RAD51B: variants seen among roughly 807,000 people sequenced by gnomAD.
RAD51B encodes DNA repair protein RAD51 homolog 2.
Under a neutral mutation model 42.2 loss-of-function variants are expected in RAD51B, and 38 were observed. The ratio of observed to expected loss-of-function variants is 0.90; its 90% CI spans 0.70 to 1.18. RAD51B has a LOEUF of 1.18. Among genes scored for constraint, RAD51B ranks in the 50% most tolerant of loss-of-function variants. RAD51B has a pLI of 0.00. For synonymous variants in RAD51B, 154 were observed against 145.2 expected, an observed-to-expected ratio of 1.06 and a Z score of -0.43; for missense variants, 373 against 400.7, an observed-to-expected ratio of 0.93 and a Z score of 0.59.
At chr14:68,578,899 G>T (rs1176147246) in intron 10 of RAD51B, among the ~76,000 whole-genome samples, 11 of 152,192 alleles carry the variant, frequency 7.2e-5, no homozygotes, top group African/African-American at 2.4e-4. Flanking sequence ...GGTTCAGGGG[G>T]CTGGGTCATA....
intron 8 of RAD51B, among the ~76,000 whole-genome samples, chr14:68,369,005 G>T (rs1160325080): frequency 2.6e-5 from 4 of 152,120 alleles, no homozygotes; most frequent in Non-Finnish European, 5.9e-5. Context: ...CCCCATCTGT[G>T]TACAGTGAGA....
intron 10 of RAD51B, among the ~76,000 whole-genome samples, chr14:68,632,958 T>G (rs1892262943): frequency 7.0e-6 from 1 of 142,910 alleles, no homozygotes. Flanking sequence ...TCTTTTTTCT[T>G]TTTCTTTTTC....
At chr14:68,671,213 G>A (rs28480157) in intron 11 of RAD51B, among the ~76,000 whole-genome samples, 1,593 of 152,272 alleles carry the variant, frequency 0.01, 27 homozygotes, top group African/African-American at 0.037. Flanking sequence ...TACACTAGGT[G>A]GGCCAGTTGA....
chr14:67,850,223 A>T (rs138151892), intron 4 of RAD51B, among the ~76,000 whole-genome samples: 1 of 152,186 alleles, frequency 6.6e-6, no homozygotes, highest in African/African-American at 2.4e-5. Flanking sequence ...GGCTCAAGCA[A>T]TCCTCCTGCT....
In RAD51B at chr14:68,278,934, AT is replaced by A. The variant is rs34941378; in HGVS notation, c.757-12939del. Among the ~76,000 whole-genome samples, 350 of 148,454 alleles carry A rather than the reference AT, an allele frequency of 2.4e-3. 1 individual carries two copies. The highest frequency in any genetic ancestry group is 3.5e-3 in the Non-Finnish European group (234 of 66,828). On this transcript the variant is annotated intron_variant, in intron 7 of 10. Coordinates refer to ENST00000471583, the MANE Select transcript of RAD51B (RefSeq NM_133510.4). ...AAATGATGTTGCATGTGAAATGCAG[AT>A]TTTTTTTTTTCTGTTCTCCTAACAA...
intron 10 of RAD51B, among the ~76,000 whole-genome samples, chr14:68,517,377 A>C (rs1886235626): frequency 6.6e-6 from 1 of 152,206 alleles, no homozygotes; most frequent in Non-Finnish European, 1.5e-5. Flanking sequence ...ACTGGCATTT[A>C]TTCCCCCTGT....
chr14:68,225,960 C>T (rs569401236), intron 7 of RAD51B, among the ~76,000 whole-genome samples: 4 of 152,134 alleles, frequency 2.6e-5, no homozygotes, highest in Admixed American at 6.5e-5. Context: ...CTATTCCTTT[C>T]GAGTGTTTTA....
At chr14:67,854,675 A>G (rs1228534654) in intron 4 of RAD51B, among the ~76,000 whole-genome samples, 3 of 141,614 alleles carry the variant, frequency 2.1e-5, no homozygotes, top group Non-Finnish European at 1.5e-5. Flanking sequence ...CAAAAAAGGT[A>G]TTTTCAGCTA....
intron 10 of RAD51B, among the ~76,000 whole-genome samples, chr14:68,618,148 A>C (rs912426714): frequency 1.3e-5 from 2 of 152,296 alleles, no homozygotes; most frequent in East Asian, 3.9e-4. Context: ...AAATTACTAC[A>C]AACAAATCTC....
At chr14:68,505,578 T>A (rs1045305574) in intron 10 of RAD51B, among the ~76,000 whole-genome samples, 1 of 131,960 alleles carries the variant, frequency 7.6e-6, no homozygotes, top group Admixed American at 8.8e-5. Flanking sequence ...TGAGACGGAG[T>A]CTCGCTCCGT....
At chr14:68,440,568 A>AACCC (rs777992079) in intron 9 of RAD51B, among the ~76,000 whole-genome samples, 2 of 152,112 alleles carry the variant, frequency 1.3e-5, no homozygotes, top group African/African-American at 2.4e-5. Context: ...AACATGGTGA[A>AACCC]ACCCCGTCTC....
intron 7 of RAD51B, among the ~76,000 whole-genome samples, chr14:68,049,847 C>T (rs1186605345): frequency 6.6e-6 from 1 of 152,140 alleles, no homozygotes; most frequent in Non-Finnish European, 1.5e-5. Context: ...CCAAGAAGGC[C>T]TTGAATGTCA....
At position 68,565,874 on chromosome 14, in the gene RAD51B, T is replaced by C. The variant is rs1889393562; in HGVS notation, c.1037-28611T>C. 6.6e-6 allele frequency among the ~76,000 whole-genome samples: 1 copy of C among 152,228 alleles called. No individual in the cohort carries two copies. On this transcript the variant is annotated intron_variant, in intron 10 of 10. Transcript: ENST00000487270. This position sits in a 1 kb window ranked among gnomAD's most constrained non-coding sequence, Gnocchi z 4.1. ...CAACTGGGGAGGGTATCTGGATCTTTTCCCTGGAGGTGTCTGGCCACTCTC... is the reference window on the plus strand; with the variant it reads ...CAACTGGGGAGGGTATCTGGATCTTCTCCCTGGAGGTGTCTGGCCACTCTC...
At chr14:68,055,592 T>A (rs1324183441) in intron 7 of RAD51B, among the ~76,000 whole-genome samples, 1 of 152,212 alleles carries the variant, frequency 6.6e-6, no homozygotes, top group African/African-American at 2.4e-5. Context: ...TTGTGCCATG[T>A]AACAAATTAA....
chr14:68,654,654 G>A (rs1312195762), intron 11 of RAD51B, among the ~76,000 whole-genome samples: 2 of 152,174 alleles, frequency 1.3e-5, no homozygotes, highest in Admixed American at 1.3e-4. Flanking sequence ...CCTGCAGTTG[G>A]TGAGGATCGT....
At chr14:68,073,533 T>C (rs2076786965) in intron 7 of RAD51B, among the ~76,000 whole-genome samples, 1 of 152,214 alleles carries the variant, frequency 6.6e-6, no homozygotes, top group Non-Finnish European at 1.5e-5. Context: ...TCATGGTTAA[T>C]ATTGATATGT....
chr14:68,138,442 T>A (rs1459386465), intron 7 of RAD51B, among the ~76,000 whole-genome samples: 2 of 152,128 alleles, frequency 1.3e-5, no homozygotes, highest in Admixed American at 6.6e-5. Context: ...ACCAAAGAAC[T>A]TTACTGAGGG....
intron 7 of RAD51B, among the ~76,000 whole-genome samples, chr14:68,166,002 C>T (rs2078741500): frequency 6.6e-6 from 1 of 151,994 alleles, no homozygotes; most frequent in Admixed American, 6.6e-5. Context: ...GGCACAGTAC[C>T]ATGAATATTG....
At chr14:67,930,303 G>A (rs1439014743) in intron 7 of RAD51B, among the ~76,000 whole-genome samples, 1 of 148,854 alleles carries the variant, frequency 6.7e-6, no homozygotes, top group Non-Finnish European at 1.5e-5. Context: ...TTACCAGTTA[G>A]TTTTATATTT....
Sources: gnomAD v4.1 joint callset for allele counts (sites outside exome capture counted in the v4.1 genomes callset) on GRCh38, gnomAD v4.1.1 for gene constraint, Gnocchi (gnomAD v3.1) non-coding constraint, MANE v1.5 for transcripts, NCBI Gene and HGNC (gene_info 2026-07-23, HGNC 2026-07-21) for gene names.